SGO1: variants seen among roughly 807,000 people sequenced by gnomAD.
SGO1 encodes the protein serologically defined breast cancer antigen NY-BR-85.
A neutral mutation model predicts 50.5 loss-of-function variants in SGO1; 39 were observed. That is an observed-to-expected ratio of 0.77 (90% CI 0.60 to 1.01). The LOEUF (loss-of-function observed/expected upper bound fraction) is 1.01, where lower values mean the gene tolerates loss of function less well. Among genes scored for constraint, SGO1 ranks in the 50% least tolerant of loss-of-function variants. The pLI, the probability that SGO1 is intolerant of heterozygous loss-of-function variation, is 0.00. For missense variants in SGO1, 638 were observed against 606.0 expected (o/e 1.05, Z -0.55); for synonymous variants, 191 against 205.1 (o/e 0.93, Z 0.59).
At chr3:20,169,099 G>A (rs985842560), downstream of SGO1, 11 of 985,112 alleles carry the variant, frequency 1.1e-5, no homozygotes, top group Middle Eastern at 5.2e-4. Context: ...GTGATGTGGC[G>A]GATAGAAAAA....
chr3:20,170,637 T>C lies in SGO1; in HGVS notation c.*67A>G. The C allele has an allele frequency of 6.8e-7, 1 of 1,466,452 alleles. No individual in the cohort carries two copies. The highest frequency in any genetic ancestry group is 9.0e-7 in the Non-Finnish European group (1 of 1,116,594). 90.8% of individuals were successfully genotyped at this position (1,466,452 alleles called of 1,614,324 possible). A position where few individuals can be genotyped will look rare whatever the true frequency, so the allele number is the denominator to read the frequency against. On this transcript the variant is annotated 3_prime_UTR_variant, in exon 8 of 8. Coordinates refer to ENST00000412997, the MANE Select transcript of SGO1 (RefSeq NM_001199251.3). ...ATGGCTCACTCTGTTTGTGTACTCT[T>C]ACAGATCCTCTCCTGAAGCAACAGA...
downstream of SGO1, among the ~76,000 whole-genome samples, chr3:20,167,573 A>G (rs1342486221): frequency 6.6e-6 from 1 of 151,968 alleles, no homozygotes; most frequent in African/African-American, 2.4e-5. Context: ...ATTCTCATAA[A>G]TAAATCAATC....
rs1700613524 is a variant in SGO1, at chr3:20,170,623, T to G, written c.*81A>C. On this transcript the variant is annotated 3_prime_UTR_variant, in exon 8 of 8. Transcript: ENST00000412997. ...AATATTCTATGGCAATGGCTCACTCTGTTTGTGTACTCTTACAGATCCTCT... is the reference window on the plus strand; with the variant it reads ...AATATTCTATGGCAATGGCTCACTCGGTTTGTGTACTCTTACAGATCCTCT... The G allele has an allele frequency of 7.0e-7, 1 of 1,428,214 alleles. No homozygotes were observed. The highest frequency in any genetic ancestry group is 1.5e-5 in the African/African-American group (1 of 67,418). The allele number at this position is 1,428,214 out of a possible 1,614,324, so 88.5% of individuals were successfully genotyped here. A position where few individuals can be genotyped will look rare whatever the true frequency, so the allele number is the denominator to read the frequency against.
At chr3:20,177,877 TTTTA>T (rs10662477) in intron 4 of SGO1, among the ~76,000 whole-genome samples, 9,102 of 151,094 alleles carry the variant, frequency 0.06, 874 homozygotes, top group African/African-American at 0.21. Context: ...AAATATGATA[TTTTA>T]TTTATTTATT....
chr3:20,172,792 T>TAAAAA (rs60411282), intron 6 of SGO1, among the ~76,000 whole-genome samples: 2 of 98,910 alleles, frequency 2.0e-5, no homozygotes, highest in South Asian at 3.4e-4. Context: ...TCACAAAAAG[T>TAAAAA]AAAAAAAAAA....
At chr3:20,166,452 GATT>G (rs1469259445), downstream of SGO1, among the ~76,000 whole-genome samples, 4 of 152,024 alleles carry the variant, frequency 2.6e-5, no homozygotes, top group African/African-American at 9.7e-5. Flanking sequence ...TGAACCTTGC[GATT>G]ATTATGCTAA....
Position 20,174,691 on chromosome 3 carries a change from A to T in SGO1, c.840T>A (p.Thr280=), listed in dbSNP as rs774937534. The T allele has an allele frequency of 1.2e-6, 2 of 1,611,114 alleles. No individual in the cohort carries two copies. The highest frequency in any genetic ancestry group is 2.7e-5 in the African/African-American group (2 of 74,146). Reference sequence around the variant, plus strand: ...CTTGTGTATCTCTTTGCTTACTTTTAGTTTGTTCAGATTTAGATTCTAAAA... The same window carrying T: ...CTTGTGTATCTCTTTGCTTACTTTTTGTTTGTTCAGATTTAGATTCTAAAA... ...EDILESKSEQ[T]KSKQRDTQER... Residue 280 remains threonine (T), a synonymous_variant, in exon 6 of 8, where the codon ACT becomes ACA. Transcript: ENST00000412997.
rs1007399625 is a variant in SGO1, at chr3:20,170,068, C to G, written c.*636G>C. On this transcript the variant is annotated 3_prime_UTR_variant, in exon 8 of 8. Transcript: ENST00000412997. ...TGCCAGAAGCTTATAATTAAAAGAT[C>G]TTATTTGAGTAATCATTATTCATTT... 5 of 985,188 alleles carry G rather than the reference C, an allele frequency of 5.1e-6. No homozygotes were observed. Among genetic ancestry groups the G allele is most frequent in the Non-Finnish European group, 6.0e-6 (5 of 829,758 alleles). 61.0% of individuals were successfully genotyped at this position (985,188 alleles called of 1,614,324 possible).
At chr3:20,164,638 T>C (rs1024366663), downstream of SGO1, among the ~76,000 whole-genome samples, 5 of 152,060 alleles carry the variant, frequency 3.3e-5, no homozygotes, top group Non-Finnish European at 5.9e-5. Flanking sequence ...AAATTGTCTT[T>C]ACGTGCAGAC....
At chr3:20,180,213 G>A (rs1002136678) in intron 3 of SGO1, among the ~76,000 whole-genome samples, 1 of 152,166 alleles carries the variant, frequency 6.6e-6, no homozygotes, top group Non-Finnish European at 1.5e-5. Context: ...CTTGAGCCTG[G>A]GAGGTCAAGC....
At chr3:20,171,633 A>C (rs1312984011) in intron 6 of SGO1, among the ~76,000 whole-genome samples, 1 of 152,214 alleles carries the variant, frequency 6.6e-6, no homozygotes, top group East Asian at 1.9e-4. Context: ...GCTTGGGCAT[A>C]ATAACTTTGT....
intron 1 of SGO1, among the ~76,000 whole-genome samples, chr3:20,185,325 G>A (rs1052472465): frequency 2.0e-5 from 3 of 152,180 alleles, no homozygotes; most frequent in Non-Finnish European, 4.4e-5. Flanking sequence ...AAAAGCTTTC[G>A]TTATTACTTT....
intron 3 of SGO1, among the ~76,000 whole-genome samples, chr3:20,180,529 A>G (rs73175217): frequency 0.046 from 6,959 of 152,172 alleles, 383 homozygotes; most frequent in East Asian, 0.2. Context: ...ATATTCCAGG[A>G]ATAAAGTTGT....
chr3:20,166,997 AT>A (rs1380000816), downstream of SGO1, among the ~76,000 whole-genome samples: 2 of 151,974 alleles, frequency 1.3e-5, no homozygotes, highest in Non-Finnish European at 2.9e-5. Context: ...CAGAGTGAGA[AT>A]AAAAAAACAA....
At chr3:20,172,819 A>C (rs1273500248) in intron 6 of SGO1, among the ~76,000 whole-genome samples, 1 of 136,698 alleles carries the variant, frequency 7.3e-6, no homozygotes, top group African/African-American at 2.8e-5. Flanking sequence ...AAAAAAAATT[A>C]GCCAGGTGTG....
At position 20,174,444 on chromosome 3, in the gene SGO1, CGTT is replaced by C. The variant is rs758708257; in HGVS notation, c.1084_1086del (p.Asn362del). 3.3e-5 allele frequency: 54 copies of C among 1,614,086 alleles called. No homozygotes were observed. The highest frequency in any genetic ancestry group is 4.5e-5 in the East Asian group (2 of 44,852). ...GATTCACAGAGGCTCACTTCAGACT[CGTT>C]GTTTTCTTCTCTATTAGAGTCATTG... On this transcript the variant is annotated inframe_deletion, in exon 6 of 8. Coordinates refer to ENST00000412997, the MANE Select transcript of SGO1 (RefSeq NM_001199251.3).
Position 20,171,203 on chromosome 3 carries a change from G to A in SGO1, c.1312C>T (p.His438Tyr), listed in dbSNP as rs760976754. ...TTPPETQQSP[H>Y]LSLKDITNVS... ...TTGGTGATATCCTTCAGGCTAAGAT[G>A]AGGTGACTGCTGAGTTTCAGGTGGT... is the stretch of plus-strand genomic sequence containing the variant. Residue 438 changes from histidine to tyrosine, a missense_variant, in exon 7 of 8, where the codon CAT becomes TAT. Transcript: ENST00000412997. 1.4e-5 allele frequency: 23 copies of A among 1,602,294 alleles called. No homozygotes were observed. The highest frequency in any genetic ancestry group is 1.9e-5 in the Non-Finnish European group (22 of 1,176,404).
At chr3:20,175,795 C>CAAAAAAAAAAAAA (rs56284216) in intron 5 of SGO1, among the ~76,000 whole-genome samples, 1 of 136,776 alleles carries the variant, frequency 7.3e-6, no homozygotes. Flanking sequence ...GCAAGACTGT[C>CAAAAAAAAAAAAA]AAAAAAAAAA....
chr3:20,169,528 A>T lies in SGO1; in HGVS notation c.*1176T>A. The T allele has an allele frequency of 1.0e-6, 1 of 982,174 alleles. No homozygotes were observed. Among genetic ancestry groups the T allele is most frequent in the Non-Finnish European group, 1.2e-6 (1 of 826,978 alleles). The allele number at this position is 982,174 out of a possible 1,614,324, so 60.8% of individuals were successfully genotyped here. ...TGCTCTTTAAAAATGAATAACCTAC[A>T]AAGTTCTAAAATTTAAAGAGGTATA... is the stretch of plus-strand genomic sequence containing the variant. On this transcript the variant is annotated 3_prime_UTR_variant, in exon 8 of 8. Coordinates refer to ENST00000412997, the MANE Select transcript of SGO1 (RefSeq NM_001199251.3).
Sources: allele counts gnomAD v4.1 joint callset (sites outside exome capture counted in the v4.1 genomes callset), GRCh38; gene constraint gnomAD v4.1.1; transcripts MANE v1.5; gene names NCBI Gene and HGNC (gene_info 2026-07-23, HGNC 2026-07-21).